Variants in CCDC7 observed in about 807,000 individuals in gnomAD.
The protein encoded by CCDC7 is coiled-coil domain-containing protein 7.
Under a neutral mutation model 196.9 loss-of-function variants are expected in CCDC7, and 183 were observed. That is an observed-to-expected ratio of 0.93 (90% CI 0.82 to 1.05). The LOEUF is 1.05. Ranked by LOEUF, CCDC7 falls within the 50% of genes least tolerant of loss-of-function variation. CCDC7 has a pLI of 0.00. For synonymous variants in CCDC7, 525 were observed against 484.6 expected (o/e 1.08, Z -1.10); for missense variants, 1,540 against 1,482.2 (o/e 1.04, Z -0.64).
chr10:32,619,407 A>G (rs375689863), intron 18 of CCDC7, among the ~76,000 whole-genome samples: 2 of 152,132 alleles, frequency 1.3e-5, no homozygotes, highest in South Asian at 2.1e-4. Context: ...AATTATGATG[A>G]AAAAGGAAAT....
rs143688126 is a variant in CCDC7 at position 32,568,719 on chromosome 10, A to G, written c.1419+828A>G. 7.9e-3 allele frequency among the ~76,000 whole-genome samples: 1,204 copies of G among 152,312 alleles called. 7 individuals carry two copies. Among genetic ancestry groups the G allele is most frequent in the Middle Eastern group, 0.02 (6 of 294 alleles). ...ATCTGCCATTATTATAAAATCTGCT[A>G]GTTATTTTATATCTGTGTATACGGG... On this transcript the variant is annotated intron_variant, in intron 15 of 41. Coordinates refer to ENST00000639629, the Ensembl canonical transcript of CCDC7.
intron 24 of CCDC7, among the ~76,000 whole-genome samples, chr10:32,708,509 G>A (rs1239155128): frequency 1.3e-5 from 2 of 152,290 alleles, no homozygotes; most frequent in South Asian, 2.1e-4. Context: ...CACAGCAAAA[G>A]AAACTACCAT....
chr10:32,553,010 AT>A (rs376009641), intron 13 of CCDC7, among the ~76,000 whole-genome samples: 1 of 149,236 alleles, frequency 6.7e-6, no homozygotes, highest in African/African-American at 2.5e-5. Flanking sequence ...TCCTCCAAAT[AT>A]TTTTTCTAAG....
chr10:32,523,595 G>T (rs1254718400), intron 11 of CCDC7, among the ~76,000 whole-genome samples: 3 of 149,926 alleles, frequency 2.0e-5, no homozygotes, highest in African/African-American at 7.3e-5. Flanking sequence ...AGCTATTATT[G>T]TATTGATATC....
At chr10:32,614,682 G>T (rs1189353520) in intron 18 of CCDC7, among the ~76,000 whole-genome samples, 6 of 152,106 alleles carry the variant, frequency 3.9e-5, no homozygotes, top group Non-Finnish European at 8.8e-5. Context: ...CAAAACCTGT[G>T]GATTGACTTA....
chr10:32,876,505 GC>G (rs201154128), downstream of CCDC7: 368 of 1,039,494 alleles, frequency 3.5e-4, 1 homozygote, highest in East Asian at 8.4e-3. Context: ...TGTGGATGGT[GC>G]TTATTGAAAA....
intron 29 of CCDC7, among the ~76,000 whole-genome samples, chr10:32,791,418 A>G (rs12248712): frequency 0.11 from 17,183 of 152,066 alleles, 1,167 homozygotes; most frequent in South Asian, 0.27. Context: ...ATTCAAAATA[A>G]TGATTTTAAG....
intron 18 of CCDC7, among the ~76,000 whole-genome samples, chr10:32,623,459 A>G (rs575476220): frequency 1.2e-4 from 19 of 152,164 alleles, no homozygotes; most frequent in Admixed American, 3.3e-4. Flanking sequence ...ATGTATTTCT[A>G]TTTTGGATTT....
At chr10:32,471,076 C>A in exon 6 of CCDC7, 1 of 1,600,164 alleles carries the variant, frequency 6.2e-7, no homozygotes, top group South Asian at 1.1e-5. Flanking sequence ...AAGTAAAGAT[C>A]AAACTCTTTT....
rs180741039 is a variant in CCDC7 at position 32,619,524 on chromosome 10, G to A, written c.1802-14730G>A. On this transcript the variant is annotated intron_variant, in intron 18 of 41. Coordinates refer to ENST00000639629, the Ensembl canonical transcript of CCDC7. Reference sequence around the variant, plus strand: ...AAAACATATAGAATAACATACATATGCACACATACAGGCATATATGTTAAA... The same window carrying A: ...AAAACATATAGAATAACATACATATACACACATACAGGCATATATGTTAAA... Among the ~76,000 whole-genome samples the A allele has an allele frequency of 2.6e-5, 4 of 152,168 alleles. No homozygotes were observed. The East Asian group carries it at 7.7e-4, about 29-fold the overall frequency.
chr10:32,673,633 A>G (rs200558306), intron 21 of CCDC7, among the ~76,000 whole-genome samples: 1 of 116,892 alleles, frequency 8.6e-6, no homozygotes. Flanking sequence ...TACTGAATTT[A>G]TTAGTTCTAA....
intron 33 of CCDC7, among the ~76,000 whole-genome samples, chr10:32,844,423 C>T (rs560666451): frequency 6.6e-6 from 1 of 151,954 alleles, no homozygotes; most frequent in South Asian, 2.1e-4. Context: ...TTTATAGTTA[C>T]AAATCTTAGA....
At chr10:32,573,338 A>G (rs551440567) in intron 16 of CCDC7, among the ~76,000 whole-genome samples, 1 of 152,250 alleles carries the variant, frequency 6.6e-6, no homozygotes, top group East Asian at 1.9e-4. Context: ...AGTTGTTTTA[A>G]TATTGAACAT....
chr10:32,789,874 A>G lies in CCDC7; in HGVS notation c.3013+10790A>G, dbSNP rs564659916. On this transcript the variant is annotated intron_variant, in intron 29 of 41. Coordinates refer to ENST00000639629, the Ensembl canonical transcript of CCDC7. ...GAATAGGCATTGCCATCCCAAAGTG[A>G]CAAAATAGGTAAGATAAAAGGAGAT... Among the ~76,000 whole-genome samples the G allele has an allele frequency of 2.6e-5, 4 of 152,360 alleles. No homozygotes were observed. In the South Asian group the frequency reaches 8.3e-4, roughly 32 times the overall value.
intron 18 of CCDC7, among the ~76,000 whole-genome samples, chr10:32,596,143 T>A (rs2060323298): frequency 6.6e-6 from 1 of 152,150 alleles, no homozygotes; most frequent in African/African-American, 2.4e-5. Flanking sequence ...GACAGTGGGG[T>A]GTTAAAATCT....
chr10:32,487,651 A>T (rs192019611), intron 8 of CCDC7, among the ~76,000 whole-genome samples: 29 of 152,266 alleles, frequency 1.9e-4, no homozygotes, highest in African/African-American at 6.5e-4. Flanking sequence ...GGTGACTTAC[A>T]GATGGGGTTT....
chr10:32,664,607 A>T (rs2072242224), intron 21 of CCDC7, among the ~76,000 whole-genome samples: 1 of 152,008 alleles, frequency 6.6e-6, no homozygotes, highest in Non-Finnish European at 1.5e-5. Context: ...GTTTTTAGTG[A>T]CTGGCTTACT....
chr10:32,678,811 C>G (rs568886257), intron 21 of CCDC7, among the ~76,000 whole-genome samples: 1 of 152,122 alleles, frequency 6.6e-6, no homozygotes. Flanking sequence ...TCTTATTATC[C>G]TTTAATTGCA....
rs540951510 is a variant in CCDC7 at position 32,816,744 on chromosome 10, A to C, written c.3181+2291A>C. On this transcript the variant is annotated intron_variant, in intron 31 of 41. Transcript: ENST00000639629. The stretch of plus-strand genomic sequence containing the variant: ...CAAACAGGGTCTGGAGTAGACCTCC[A>C]GCAAACTCCAACAGACCTGCAGCTG... Among the ~76,000 whole-genome samples, 123 of 152,312 alleles carry C rather than the reference A, an allele frequency of 8.1e-4. 1 individual carries two copies. The highest frequency in any genetic ancestry group is 2.7e-3 in the African/African-American group (111 of 41,586).
Sources: gnomAD v4.1 joint callset for allele counts (sites outside exome capture counted in the v4.1 genomes callset) on GRCh38, gnomAD v4.1.1 for gene constraint, MANE v1.5 for transcripts, NCBI Gene and HGNC (gene_info 2026-07-23, HGNC 2026-07-21) for gene names.